The following DNAH10 variants were observed in gnomAD, a reference collection of about 807,000 sequenced individuals.
DNAH10 encodes dynein axonemal heavy chain 10, also known as axonemal beta dynein heavy chain 10.
A neutral mutation model predicts 506.6 loss-of-function variants in DNAH10; 348 were observed. That is an observed-to-expected ratio of 0.69 (90% CI 0.63 to 0.75). The LOEUF (loss-of-function observed/expected upper bound fraction) is 0.75, where lower values mean the gene tolerates loss of function less well. Ranked by LOEUF, DNAH10 falls within the 30% of genes least tolerant of loss-of-function variation. The pLI is 0.00. For synonymous variants in DNAH10, 2,059 were observed against 2,198.6 expected, an observed-to-expected ratio of 0.94 and a Z score of 1.78; for missense variants, 5,179 against 5,787.1, an observed-to-expected ratio of 0.89 and a Z score of 3.41.
rs1209448101 is a variant in DNAH10, at chr12:123,853,620, G to C, written c.6438+268G>C. Among the ~76,000 whole-genome samples, 1 of 152,166 alleles carries C rather than the reference G, an allele frequency of 6.6e-6. No individual in the cohort carries two copies. The highest frequency in any genetic ancestry group is 1.5e-5 in the Non-Finnish European group (1 of 68,040). ...TCCATAGTAATAATCTGTAGTCTCA[G>C]GATGGGTGTGGCGGAAGGGTGGGGA... On this transcript the variant is annotated intron_variant, in intron 36 of 78. Transcript: ENST00000673944. The surrounding 1 kb of genome is among the most constrained non-coding windows in gnomAD (Gnocchi z 4.7).
At chr12:123,779,962 C>T (rs937412458) in intron 5 of DNAH10, among the ~76,000 whole-genome samples, 11 of 152,240 alleles carry the variant, frequency 7.2e-5, no homozygotes, top group African/African-American at 2.6e-4. Flanking sequence ...TTTATGTGGG[C>T]TGGGGGCTAA....
chr12:123,925,369 C>T lies in DNAH10; in HGVS notation c.11921+165C>T. 1.1e-6 allele frequency: 1 copy of T among 949,088 alleles called. No homozygotes were observed. Among genetic ancestry groups the T allele is most frequent in the Non-Finnish European group, 1.5e-6 (1 of 654,922 alleles). The allele number at this position is 949,088 out of a possible 1,614,324, so 58.8% of individuals were successfully genotyped here. On this transcript the variant is annotated intron_variant, in intron 68 of 78. Transcript: ENST00000673944. This position sits in a 1 kb window ranked among gnomAD's most constrained non-coding sequence, Gnocchi z 4.0. The stretch of plus-strand genomic sequence containing the variant: ...CGATATTCTAGAATTCTTCAATATT[C>T]TAGAACAGTGCTAGTCATAAGAAAT...
intron 7 of DNAH10, 136 bp downstream of exon 7, chr12:123,783,400 A>C (rs1000906307): frequency 1.0e-6 from 1 of 993,146 alleles, no homozygotes; most frequent in Admixed American, 2.8e-5. Flanking sequence ...CATCAAAATA[A>C]ACACACCCAA....
chr12:123,816,973 A>G (rs1959164649), intron 21 of DNAH10, among the ~76,000 whole-genome samples: 1 of 152,010 alleles, frequency 6.6e-6, no homozygotes, highest in Non-Finnish European at 1.5e-5. Flanking sequence ...GGAAACACCA[A>G]CTTTGGGTTT....
intron 45 of DNAH10, 128 bp downstream of exon 45, chr12:123,871,730 G>T (rs1952044486): frequency 8.7e-7 from 1 of 1,144,918 alleles, no homozygotes. Context: ...TGACTTACCT[G>T]GGAGCTTCTA....
intron 54 of DNAH10, among the ~76,000 whole-genome samples, chr12:123,895,937 AC>A: frequency 6.6e-6 from 1 of 152,004 alleles, no homozygotes; most frequent in South Asian, 2.1e-4. Context: ...AAATGGTGAA[AC>A]CCTGTATTTA....
chr12:123,822,894 G>C (rs1356697872), intron 24 of DNAH10, among the ~76,000 whole-genome samples: 2 of 152,184 alleles, frequency 1.3e-5, no homozygotes, highest in African/African-American at 4.8e-5. Flanking sequence ...ATCCATGTTG[G>C]GGAGGGCCAC....
At chr12:123,780,129 CCCCT>C (rs1225276904) in intron 5 of DNAH10, among the ~76,000 whole-genome samples, 4 of 141,164 alleles carry the variant, frequency 2.8e-5, no homozygotes, top group Admixed American at 7.6e-5. Flanking sequence ...GTGCCAGTTT[CCCCT>C]CCCTCCCTCC....
In DNAH10 at chr12:123,916,395, T is replaced by G; in HGVS notation, c.10723-62T>G. 1 of 1,550,380 alleles carries G rather than the reference T, an allele frequency of 6.5e-7. No individual in the cohort carries two copies. Among genetic ancestry groups the G allele is most frequent in the South Asian group, 1.3e-5 (1 of 78,776 alleles). On this transcript the variant is annotated intron_variant, in intron 62 of 78. Coordinates refer to ENST00000673944, the MANE Select transcript of DNAH10 (RefSeq NM_001372106.1). The surrounding 1 kb of genome is among the most constrained non-coding windows in gnomAD (Gnocchi z 4.6). ...TTCCCACTTCCAAGCCATTCTCCCC[T>G]TATATTTGGCAGGGCCACAGTTAAA...
chr12:123,932,474 G>T (rs1323723075), intron 76 of DNAH10: 1 of 185,982 alleles, frequency 5.4e-6, no homozygotes, highest in South Asian at 1.7e-4. Flanking sequence ...CATTTCGGTG[G>T]TTACCATTTT....
rs758575512 is a variant in DNAH10 at position 123,857,161 on chromosome 12, G to C, written c.6544G>C (p.Asp2182His). 1 of 1,610,308 alleles carries C rather than the reference G, an allele frequency of 6.2e-7. No homozygotes were observed. Among genetic ancestry groups the C allele is most frequent in the South Asian group, 1.1e-5 (1 of 90,170 alleles). Residue 2182 changes from aspartate (D) to histidine (H), a missense_variant, in exon 37 of 79, where the codon GAC becomes CAC. This residue lies in a region of DNAH10 where 4,844 missense variants were observed against 5,430.5 expected (regional missense o/e 0.89). Transcript: ENST00000673944. ...GATTTCGGATCTGTTTCCTGGGCTGGACTGCCCTCGCGTCCGCTACCCTGA... is the reference window on the plus strand; with the variant it reads ...GATTTCGGATCTGTTTCCTGGGCTGCACTGCCCTCGCGTCCGCTACCCTGA... The part of the protein sequence containing the change: ...GLISDLFPGL[D>H]CPRVRYPDFN...
chr12:123,811,915 G>A (rs1490895960), intron 19 of DNAH10, among the ~76,000 whole-genome samples: 1 of 152,032 alleles, frequency 6.6e-6, no homozygotes, highest in Non-Finnish European at 1.5e-5. Flanking sequence ...GGGATTACAG[G>A]TGCGAGCCAA....
At position 123,846,482 on chromosome 12, in the gene DNAH10, T is replaced by G. The variant is rs1454474734; in HGVS notation, c.5814+328T>G. Among the ~76,000 whole-genome samples, 1 of 152,142 alleles carries G rather than the reference T, an allele frequency of 6.6e-6. No homozygotes were observed. The highest frequency in any genetic ancestry group is 1.5e-5 in the Non-Finnish European group (1 of 68,024). ...TGGTTTTGCACGTCTTGTGACAGCT[T>G]TTATTCCAGAATATATCCGTTCAAG... On this transcript the variant is annotated intron_variant, in intron 32 of 78. Coordinates refer to ENST00000673944, the MANE Select transcript of DNAH10 (RefSeq NM_001372106.1). The surrounding 1 kb of genome is among the most constrained non-coding windows in gnomAD (Gnocchi z 4.5).
intron 28 of DNAH10, among the ~76,000 whole-genome samples, chr12:123,836,561 C>T (rs1391032627): frequency 6.6e-6 from 1 of 152,194 alleles, no homozygotes; most frequent in Admixed American, 6.5e-5. Flanking sequence ...GATTTTAACC[C>T]AGCTCTCCTG....
At chr12:123,837,674 TC>T (rs1166487626) in intron 28 of DNAH10, among the ~76,000 whole-genome samples, 1 of 151,064 alleles carries the variant, frequency 6.6e-6, no homozygotes, top group Non-Finnish European at 1.5e-5. Flanking sequence ...ACTCCTGGGC[TC>T]ATATGATCCT....
intron 31 of DNAH10, 43 bp from the exon 32 acceptor site, chr12:123,845,928 T>C: frequency 1.2e-6 from 2 of 1,612,478 alleles, no homozygotes; most frequent in Non-Finnish European, 1.7e-6. Context: ...TCCGCTGATC[T>C]GTCTCAACGG....
At chr12:123,896,751 G>A (rs970273637) in intron 54 of DNAH10, among the ~76,000 whole-genome samples, 2 of 151,000 alleles carry the variant, frequency 1.3e-5, no homozygotes, top group African/African-American at 2.4e-5. Context: ...GGATTAGCAC[G>A]GATCACTGCT....
At chr12:123,873,733 G>A (rs1379757418) in intron 46 of DNAH10, 23 bp downstream of exon 46, 3 of 1,590,272 alleles carry the variant, frequency 1.9e-6, no homozygotes, top group Non-Finnish European at 2.6e-6. Context: ...TCAAGCAGGT[G>A]GAGGGATGGG....
intron 56 of DNAH10, among the ~76,000 whole-genome samples, chr12:123,899,957 G>A (rs577437611): frequency 2.0e-5 from 3 of 152,196 alleles, no homozygotes; most frequent in Non-Finnish European, 4.4e-5. Flanking sequence ...CTGTTTTGAT[G>A]CTGAGTCCTC....
Sources: gnomAD v4.1 joint callset for allele counts (sites outside exome capture counted in the v4.1 genomes callset) on GRCh38, gnomAD v4.1.1 for gene constraint, gnomAD v4.1.1 regional missense constraint, Gnocchi (gnomAD v3.1) non-coding constraint, MANE v1.5 for transcripts, NCBI Gene and HGNC (gene_info 2026-07-23, HGNC 2026-07-21) for gene names.